The following DGKH variants were observed in gnomAD, a reference collection of about 807,000 sequenced individuals.
DGKH encodes diacylglycerol kinase eta.
Under a neutral mutation model 159.3 loss-of-function variants are expected in DGKH, and 90 were observed. The ratio of observed to expected loss-of-function variants is 0.57; its 90% CI spans 0.48 to 0.67. The LOEUF (loss-of-function observed/expected upper bound fraction) is 0.67, where lower values mean the gene tolerates loss of function less well. DGKH is among the 30% of genes least tolerant of loss of function. The pLI is 0.00. For missense variants in DGKH, 1,181 were observed against 1,506.1 expected, an observed-to-expected ratio of 0.78 and a Z score of 3.57; for synonymous variants, 536 against 553.8, an observed-to-expected ratio of 0.97 and a Z score of 0.45.
rs572670658 is a variant in DGKH, at chr13:42,249,308, A to G, written n.4055-3101A>G. ...AGGACCGATTGAGCCCGGGAGGACC[A>G]ATTGAGCCTGGGAGGATGGAGTGAG... On this transcript the variant is annotated intron_variant and non_coding_transcript_variant, in intron 29 of 30. Transcript: ENST00000498255. 8.5e-5 allele frequency among the ~76,000 whole-genome samples: 13 copies of G among 152,276 alleles called. No homozygotes were observed. The South Asian group carries it at 2.7e-3, about 32-fold the overall frequency.
chr13:42,084,841 C>A (rs1180980396), intron 1 of DGKH, among the ~76,000 whole-genome samples: 1 of 150,848 alleles, frequency 6.6e-6, no homozygotes, highest in East Asian at 1.9e-4. Context: ...AGATGTATAG[C>A]AATTTGGAAA....
chr13:42,174,211 A>C, intron 12 of DGKH, 67 bp downstream of exon 12: 3 of 1,334,648 alleles, frequency 2.2e-6, no homozygotes, highest in Non-Finnish European at 3.2e-6. Flanking sequence ...AAAAAGAAAG[A>C]GAGAGAAAAT....
intron 3 of DGKH, among the ~76,000 whole-genome samples, chr13:42,141,913 G>A (rs1441246328): frequency 6.6e-6 from 1 of 151,526 alleles, no homozygotes; most frequent in African/African-American, 2.4e-5. Context: ...GATCCCATTT[G>A]TCAATTTTGG....
At chr13:42,089,576 A>G (rs1281287685) in intron 1 of DGKH, among the ~76,000 whole-genome samples, 1 of 152,204 alleles carries the variant, frequency 6.6e-6, no homozygotes, top group Non-Finnish European at 1.5e-5. Flanking sequence ...AGAGACCACT[A>G]ACATTCTTGG....
intron 3 of DGKH, among the ~76,000 whole-genome samples, chr13:42,131,365 T>C (rs4942092): frequency 0.23 from 35,485 of 152,140 alleles, 4,567 homozygotes; most frequent in Admixed American, 0.29. Flanking sequence ...AGGGAATGAC[T>C]GATGAAGCAT....
At chr13:42,085,863 G>C (rs1039306473) in intron 1 of DGKH, among the ~76,000 whole-genome samples, 15 of 152,076 alleles carry the variant, frequency 9.9e-5, no homozygotes, top group African/African-American at 3.6e-4. Context: ...TTTTTCCAAA[G>C]ATATTTACTA....
chr13:42,206,012 C>CT (rs34351817), intron 20 of DGKH, 27 bp from the exon 21 acceptor site: 117,432 of 1,121,318 alleles, frequency 0.1, 2,014 homozygotes, highest in South Asian at 0.14. Context: ...CTAATCTCTA[C>CT]TTTTTTTTTT....
intron 1 of DGKH, among the ~76,000 whole-genome samples, chr13:42,110,605 C>CATTCATTCATTA (rs1230918741): frequency 6.6e-6 from 1 of 152,142 alleles, no homozygotes; most frequent in Non-Finnish European, 1.5e-5. Context: ...TTCATTCATT[C>CATTCATTCATTA]ATTCGTTGTT....
At chr13:42,046,200 G>T (rs1262990647), upstream of DGKH, among the ~76,000 whole-genome samples, 13 of 152,216 alleles carry the variant, frequency 8.5e-5, no homozygotes, top group African/African-American at 2.9e-4. Context: ...GTAAGGAAAA[G>T]ATCAAGGAAT....
intron 1 of DGKH, among the ~76,000 whole-genome samples, chr13:42,084,649 A>C (rs1954268581): frequency 6.6e-6 from 1 of 152,124 alleles, no homozygotes; most frequent in Admixed American, 6.5e-5. Context: ...TTATATTTTT[A>C]GAATATAATT....
upstream of DGKH, among the ~76,000 whole-genome samples, chr13:42,047,909 C>T (rs912284983): frequency 6.6e-6 from 1 of 152,098 alleles, no homozygotes; most frequent in Non-Finnish European, 1.5e-5. Flanking sequence ...GCTTTCTCCA[C>T]GCCCTTCCCA....
In DGKH at chr13:42,048,896, C is replaced by G. The variant is rs750093554; in HGVS notation, c.123C>G (p.Ser41Arg). 7.3e-7 allele frequency: 1 copy of G among 1,371,618 alleles called. No individual in the cohort carries two copies. Among genetic ancestry groups the G allele is most frequent in the Non-Finnish European group, 9.5e-7 (1 of 1,056,634 alleles). 85.0% of individuals were successfully genotyped at this position (1,371,618 alleles called of 1,614,324 possible). ...SAGPGEDSSD[S>R]EAEQEGPQKL... ...GGCCGGGAGAGGATTCGTCTGACAG[C>G]GAAGCGGAGCAAGAGGGACCCCAGA... The change falls in exon 1 of 30, where the codon AGC becomes AGG. Residue 41 changes from serine to arginine, a missense_variant. This residue lies in a region of DGKH where 136 missense variants were observed against 132.2 expected (regional missense o/e 1.03). Transcript: ENST00000337343. The surrounding 1 kb of genome is among the most constrained non-coding windows in gnomAD (Gnocchi z 6.7).
chr13:42,163,067 G>A (rs931674747), intron 7 of DGKH, among the ~76,000 whole-genome samples: 3 of 133,504 alleles, frequency 2.2e-5, no homozygotes, highest in African/African-American at 5.8e-5. Flanking sequence ...CTGTGTCCAC[G>A]TGTTCTCATT....
At chr13:42,072,401 T>C (rs757240545) in intron 1 of DGKH, among the ~76,000 whole-genome samples, 5 of 152,226 alleles carry the variant, frequency 3.3e-5, no homozygotes, top group Non-Finnish European at 7.3e-5. Context: ...ATGAGATAAT[T>C]TGAGTATTTA....
chr13:42,241,610 C>T lies in DGKH; in HGVS notation c.*12422C>T, dbSNP rs1449545298. Reference sequence around the variant, plus strand: ...ATATGCCTTTTGATGACACACACACCAAAATATATAAGAGCTGTGCATGGT... The same window carrying T: ...ATATGCCTTTTGATGACACACACACTAAAATATATAAGAGCTGTGCATGGT... On this transcript the variant is annotated 3_prime_UTR_variant, in exon 30 of 30. Coordinates refer to ENST00000337343, the MANE Select transcript of DGKH (RefSeq NM_178009.5). 1 of 152,058 alleles carries T rather than the reference C, an allele frequency of 6.6e-6. No homozygotes were observed. The highest frequency in any genetic ancestry group is 1.5e-5 in the Non-Finnish European group (1 of 68,022). The allele number at this position is 152,058 out of a possible 1,614,324, so 9.4% of individuals were successfully genotyped here. A position where few individuals can be genotyped will look rare whatever the true frequency, so the allele number is the denominator to read the frequency against.
intron 3 of DGKH, among the ~76,000 whole-genome samples, chr13:42,132,827 T>C (rs1955314501): frequency 6.6e-6 from 1 of 152,034 alleles, no homozygotes; most frequent in Non-Finnish European, 1.5e-5. Flanking sequence ...GAGGCTCTAG[T>C]GAGCCATGAT....
intron 1 of DGKH, among the ~76,000 whole-genome samples, chr13:42,090,740 C>T (rs933724237): frequency 2.1e-4 from 32 of 152,140 alleles, no homozygotes; most frequent in African/African-American, 5.6e-4. Flanking sequence ...TGAATGTTTT[C>T]GTCTCCTCCA....
At chr13:42,180,442 G>A (rs1956721762) in intron 13 of DGKH, among the ~76,000 whole-genome samples, 1 of 152,186 alleles carries the variant, frequency 6.6e-6, no homozygotes, top group Non-Finnish European at 1.5e-5. Flanking sequence ...AAGAAGGCCT[G>A]TTATTTCTCC....
intron 30 of DGKH, among the ~76,000 whole-genome samples, chr13:42,254,524 G>A (rs1319111508): frequency 5.3e-5 from 8 of 151,652 alleles, no homozygotes; most frequent in African/African-American, 1.9e-4. Flanking sequence ...TCCCAGCTAC[G>A]TGGGAGGCTG....
Sources: gnomAD v4.1 joint callset for allele counts (sites outside exome capture counted in the v4.1 genomes callset) on GRCh38, gnomAD v4.1.1 for gene constraint, gnomAD v4.1.1 regional missense constraint, Gnocchi (gnomAD v3.1) non-coding constraint, MANE v1.5 for transcripts, NCBI Gene and HGNC (gene_info 2026-07-23, HGNC 2026-07-21) for gene names.